KDM4C: variants seen among roughly 807,000 people sequenced by gnomAD.
KDM4C encodes the protein lysine-specific demethylase 4C.
In KDM4C, 81 loss-of-function variants were observed where a neutral mutation model predicts 129.3. The ratio of observed to expected loss-of-function variants is 0.63; its 90% CI spans 0.52 to 0.75. The LOEUF is 0.75. Ranked by LOEUF, KDM4C falls within the 30% of genes least tolerant of loss-of-function variation. The pLI, the probability that KDM4C is intolerant of heterozygous loss-of-function variation, is 0.00. For synonymous variants in KDM4C, 573 were observed against 456.1 expected (o/e 1.26, Z -3.26); for missense variants, 1,457 against 1,304.0 (o/e 1.12, Z -1.81).
At chr9:6,865,226 T>G (rs570040807) in intron 5 of KDM4C, among the ~76,000 whole-genome samples, 1 of 152,154 alleles carries the variant, frequency 6.6e-6, no homozygotes, top group Non-Finnish European at 1.5e-5. Context: ...GCCAGGATGG[T>G]CTCGATCTCC....
intron 1 of KDM4C, chr9:6,748,634 A>G: frequency 2.4e-6 from 2 of 828,158 alleles, no homozygotes; most frequent in Non-Finnish European, 4.1e-6. Context: ...ATAAATGTTC[A>G]TATTGGACAA....
In KDM4C at chr9:6,817,271, G is replaced by A. The variant is rs143652036; in HGVS notation, c.435+2526G>A. 3.9e-3 allele frequency among the ~76,000 whole-genome samples: 538 copies of A among 137,658 alleles called. 2 individuals are homozygous for A. The highest frequency in any genetic ancestry group is 0.014 in the African/African-American group (520 of 36,502). 90.3% of individuals were successfully genotyped at this position (137,658 alleles called of 152,430 possible). A position where few individuals can be genotyped will look rare whatever the true frequency, so the allele number is the denominator to read the frequency against. On this transcript the variant is annotated intron_variant, in intron 4 of 21. Transcript: ENST00000381309. ...GGTTGGCATGCAATGGCATGATCAC[G>A]GCTCACTGCAGCCTTGACCTCCTGG...
At chr9:7,007,272 C>T (rs947202176) in intron 12 of KDM4C, among the ~76,000 whole-genome samples, 4 of 152,204 alleles carry the variant, frequency 2.6e-5, no homozygotes, top group Non-Finnish European at 4.4e-5. Flanking sequence ...TTCTTGACTG[C>T]ATGTTACTTG....
intron 4 of KDM4C, chr9:6,814,963 C>T (rs1175344004): frequency 5.2e-6 from 2 of 384,208 alleles, no homozygotes; most frequent in African/African-American, 2.1e-5. Flanking sequence ...TCAGTAGTAA[C>T]ATGGTATGTG....
intron 5 of KDM4C, among the ~76,000 whole-genome samples, chr9:6,867,010 TATATATA>T (rs1563725722): frequency 1.0e-5 from 1 of 98,238 alleles, no homozygotes; most frequent in African/African-American, 5.0e-5. Flanking sequence ...TATATATATA[TATATATA>T]TTTTTTTTTT....
chr9:7,135,906 C>T (rs1003783169), intron 19 of KDM4C, among the ~76,000 whole-genome samples: 3 of 152,136 alleles, frequency 2.0e-5, no homozygotes, highest in African/African-American at 4.8e-5. Context: ...CCATCCCAGC[C>T]CACTGATGTA....
At chr9:6,910,667 C>G (rs140558651) in intron 8 of KDM4C, among the ~76,000 whole-genome samples, 1 of 152,304 alleles carries the variant, frequency 6.6e-6, no homozygotes, top group East Asian at 1.9e-4. Context: ...TGCCAAGGCA[C>G]CAGCCTTAGA....
intron 13 of KDM4C, among the ~76,000 whole-genome samples, 198 bp from the exon 14 acceptor site, chr9:7,013,590 T>G (rs1350250120): frequency 1.3e-5 from 2 of 152,200 alleles, no homozygotes; most frequent in Admixed American, 1.3e-4. Flanking sequence ...ATTGTCCTTT[T>G]CCTGCAGATT....
intron 8 of KDM4C, among the ~76,000 whole-genome samples, chr9:6,919,971 G>A (rs538914809): frequency 2.3e-4 from 35 of 152,252 alleles, no homozygotes; most frequent in African/African-American, 8.2e-4. Flanking sequence ...CATTCATTGT[G>A]GAATTGCCTG....
chr9:6,795,819 G>A (rs1448568351), intron 2 of KDM4C, among the ~76,000 whole-genome samples: 1 of 151,848 alleles, frequency 6.6e-6, no homozygotes, highest in East Asian at 1.9e-4. Flanking sequence ...TTACAGGTAT[G>A]CAGCACCATG....
At chr9:6,810,739 C>A (rs889630691) in intron 3 of KDM4C, among the ~76,000 whole-genome samples, 4 of 151,878 alleles carry the variant, frequency 2.6e-5, no homozygotes, top group African/African-American at 9.7e-5. Context: ...TGCATGGTGG[C>A]ATGTGTCTGT....
rs987352305 is a variant in KDM4C at position 6,958,586 on chromosome 9, GA to G, written c.922-22327del. ...TGGGCAACAGAGCAAGACTCTGTCT[GA>G]AAAAAAAAAAATCGTATCACACTGA... is the stretch of plus-strand genomic sequence containing the variant. On this transcript the variant is annotated intron_variant, in intron 8 of 21. Transcript: ENST00000381309. 8.6e-3 allele frequency among the ~76,000 whole-genome samples: 1,209 copies of G among 140,250 alleles called. 12 individuals are homozygous for G. Among genetic ancestry groups the G allele is most frequent in the African/African-American group, 0.029 (1,111 of 38,352 alleles). 92.0% of individuals were successfully genotyped at this position (140,250 alleles called of 152,430 possible).
chr9:6,856,200 G>T (rs940603013), intron 5 of KDM4C, among the ~76,000 whole-genome samples: 2 of 152,056 alleles, frequency 1.3e-5, no homozygotes, highest in Non-Finnish European at 1.5e-5. Context: ...GAACATTAGG[G>T]ATTAGGCAGC....
At chr9:7,101,228 A>G (rs1178799627) in intron 17 of KDM4C, among the ~76,000 whole-genome samples, 1 of 152,080 alleles carries the variant, frequency 6.6e-6, no homozygotes, top group African/African-American at 2.4e-5. Context: ...CATAGCATGT[A>G]TTTCGTTGTA....
intron 18 of KDM4C, among the ~76,000 whole-genome samples, chr9:7,105,865 AAAAG>A (rs1311552962): frequency 2.0e-5 from 3 of 152,224 alleles, no homozygotes; most frequent in Non-Finnish European, 4.4e-5. Flanking sequence ...ATGATGATGA[AAAAG>A]AAAATAGATG....
At chr9:7,014,076 A>G (rs1385078211) in intron 14 of KDM4C, 75 bp downstream of exon 14, 3 of 1,210,090 alleles carry the variant, frequency 2.5e-6, no homozygotes, top group Admixed American at 3.8e-5. Context: ...CTTTTTTGGA[A>G]CCTGTCAGAT....
At chr9:7,125,333 C>G (rs1053782266) in intron 18 of KDM4C, among the ~76,000 whole-genome samples, 6 of 152,196 alleles carry the variant, frequency 3.9e-5, no homozygotes, top group Admixed American at 3.9e-4. Context: ...CTGTAGATGG[C>G]ATGCTAGAAT....
chr9:6,904,275 T>C (rs928451829), intron 8 of KDM4C, among the ~76,000 whole-genome samples: 5 of 152,154 alleles, frequency 3.3e-5, no homozygotes, highest in Non-Finnish European at 2.9e-5. Context: ...TATGTCTATC[T>C]ATATATTTAT....
intron 5 of KDM4C, among the ~76,000 whole-genome samples, chr9:6,865,012 T>C (rs368074843): frequency 9.4e-5 from 14 of 148,796 alleles, no homozygotes; most frequent in Middle Eastern, 3.4e-3. Flanking sequence ...TTCTTTCTTT[T>C]TTTTTTTTTT....
Sources: allele counts gnomAD v4.1 joint callset (sites outside exome capture counted in the v4.1 genomes callset), GRCh38; gene constraint gnomAD v4.1.1; transcripts MANE v1.5; gene names NCBI Gene and HGNC (gene_info 2026-07-23, HGNC 2026-07-21).